Variants in CD70 observed in about 807,000 individuals in gnomAD.
CD70 encodes CD70 molecule.
In CD70, 6 loss-of-function variants were observed where a neutral mutation model predicts 9.0. That is an observed-to-expected ratio of 0.67 (90% CI 0.37 to 1.32). CD70 has a LOEUF of 1.32. Among genes scored for constraint, CD70 ranks in the 40% most tolerant of loss-of-function variants. The pLI is 0.02. For missense variants in CD70, 235 were observed against 258.7 expected, an observed-to-expected ratio of 0.91 and a Z score of 0.63; for synonymous variants, 108 against 112.3, an observed-to-expected ratio of 0.96 and a Z score of 0.24.
chr19:6,581,989 C>T (rs995193030), downstream of CD70, among the ~76,000 whole-genome samples: 1 of 151,640 alleles, frequency 6.6e-6, no homozygotes, highest in African/African-American at 2.4e-5. Flanking sequence ...AACGAAGGGG[C>T]TGAAGGTCCC....
downstream of CD70, among the ~76,000 whole-genome samples, chr19:6,585,667 C>G (rs1915998448): frequency 6.9e-6 from 1 of 145,126 alleles, no homozygotes; most frequent in Admixed American, 6.8e-5. Context: ...TCAAACATCC[C>G]TAACCAAGAA....
downstream of CD70, among the ~76,000 whole-genome samples, chr19:6,582,538 G>C (rs60331551): frequency 8.2e-6 from 1 of 121,572 alleles, no homozygotes; most frequent in Non-Finnish European, 1.6e-5. Flanking sequence ...GACAGGCCCC[G>C]GTGTGTGATG....
chr19:6,587,468 G>T (rs1916052576), intron 2 of CD70, among the ~76,000 whole-genome samples: 1 of 152,024 alleles, frequency 6.6e-6, no homozygotes, highest in Non-Finnish European at 1.5e-5. Context: ...GAGTGCACGG[G>T]AGTGAGCGAG....
Position 6,586,365 on chromosome 19 carries a change from TG to T in CD70, c.236del (p.Pro79GlnfsTer32). On this transcript the variant is annotated frameshift_variant, in exon 3 of 3. Transcript: ENST00000245903. LOFTEE classifies it low-confidence loss of function (END_TRUNC). ...CATGCAGGAAGGAGCGGCCCAGTGCTGGGCCCCCCTGCCAGTATAGCCTGGG... is the reference window on the plus strand; with the variant it reads ...CATGCAGGAAGGAGCGGCCCAGTGCTGGCCCCCCTGCCAGTATAGCCTGGG... ...QDPRLYWQGG[P>X]ALGRSFLHGP... 6.2e-7 allele frequency: 1 copy of T among 1,612,298 alleles called. No individual in the cohort carries two copies. The highest frequency in any genetic ancestry group is 8.5e-7 in the Non-Finnish European group (1 of 1,179,724).
chr19:6,582,348 CTTTTT>C (rs59168141), downstream of CD70, among the ~76,000 whole-genome samples: 1 of 135,172 alleles, frequency 7.4e-6, no homozygotes, highest in Non-Finnish European at 1.6e-5. Flanking sequence ...GCAGTCAAAT[CTTTTT>C]TTTTTTTTTT....
intron 2 of CD70, among the ~76,000 whole-genome samples, 163 bp from the exon 3 acceptor site, chr19:6,586,568 G>A (rs1916022763): frequency 6.6e-6 from 1 of 152,158 alleles, no homozygotes; most frequent in African/African-American, 2.4e-5. Context: ...GGAGGCCAAG[G>A]CGGGTGGATC....
At chr19:6,585,144 G>A (rs752287304), downstream of CD70, among the ~76,000 whole-genome samples, 5 of 151,878 alleles carry the variant, frequency 3.3e-5, no homozygotes, top group Admixed American at 6.6e-5. Flanking sequence ...CCTGGACCAC[G>A]CTTGGCTAAT....
At chr19:6,582,373 T>C (rs1915934677), downstream of CD70, among the ~76,000 whole-genome samples, 1 of 149,238 alleles carries the variant, frequency 6.7e-6, no homozygotes, top group Admixed American at 6.7e-5. Flanking sequence ...TTTTTAATTA[T>C]ACTTTAAGTT....
downstream of CD70, chr19:6,583,163 G>A (rs188761001): frequency 1.4e-4 from 63 of 463,930 alleles, no homozygotes; most frequent in Admixed American, 2.0e-3. Context: ...GGGATTATCT[G>A]GCTTGGAATC....
At chr19:6,589,267 ATTTC>A (rs1916095839) in intron 2 of CD70, among the ~76,000 whole-genome samples, 2 of 81,574 alleles carry the variant, frequency 2.5e-5, no homozygotes, top group Non-Finnish European at 4.9e-5. Context: ...TCTTTCTCTT[ATTTC>A]TTTTTTTCTC....
In CD70 at chr19:6,585,909, C is replaced by T. The variant is rs1916003749; in HGVS notation, c.*111G>A. ...GCCTTCTCTTGTCCTGCCACCACTA[C>T]CCCCCACCACACTCCCACCCCAACC... On this transcript the variant is annotated 3_prime_UTR_variant, in exon 3 of 3. Coordinates refer to ENST00000245903, the MANE Select transcript of CD70 (RefSeq NM_001252.5). The T allele has an allele frequency of 4.3e-6, 3 of 695,540 alleles. No homozygotes were observed. The highest frequency in any genetic ancestry group is 4.8e-6 in the Non-Finnish European group (2 of 420,496). 43.1% of individuals were successfully genotyped at this position (695,540 alleles called of 1,614,324 possible). A position where few individuals can be genotyped will look rare whatever the true frequency, so the allele number is the denominator to read the frequency against.
rs764025325 is a variant in CD70, at chr19:6,586,196, C to T, written c.406G>A (p.Ala136Thr). 17 of 1,613,926 alleles carry T rather than the reference C, an allele frequency of 1.1e-5. No homozygotes were observed. The highest frequency in any genetic ancestry group is 4.0e-5 in the African/African-American group (3 of 74,894). ...CGCAGCAGGCTGATGCTACGGGAGGCGGGAGAGCAGATTCCCACGGCCAGG... is the reference window on the plus strand; with the variant it reads ...CGCAGCAGGCTGATGCTACGGGAGGTGGGAGAGCAGATTCCCACGGCCAGG... ...TTLAVGICSP[A>T]SRSISLLRLS... Residue 136 changes from alanine to threonine, a missense_variant, in exon 3 of 3, where the codon GCC (alanine) becomes ACC (threonine). Coordinates refer to ENST00000245903, the MANE Select transcript of CD70 (RefSeq NM_001252.5).
In CD70 at chr19:6,590,444, C is replaced by G. The variant is rs918511149; in HGVS notation, c.163-308G>C. ...CAGCGGACTCTCTACGCTGCAAAGG[C>G]GCCCGGCGCGGTCCCCAAAGGGACC... is the stretch of plus-strand genomic sequence containing the variant. On this transcript the variant is annotated intron_variant, in intron 1 of 2. Coordinates refer to ENST00000245903, the MANE Select transcript of CD70 (RefSeq NM_001252.5). This position sits in a 1 kb window ranked among gnomAD's most constrained non-coding sequence, Gnocchi z 5.3. Among the ~76,000 whole-genome samples, 1 of 152,206 alleles carries G rather than the reference C, an allele frequency of 6.6e-6. No homozygotes were observed. Among genetic ancestry groups the G allele is most frequent in the African/African-American group, 2.4e-5 (1 of 41,464 alleles).
At chr19:6,581,733 T>C (rs1915921291), downstream of CD70, among the ~76,000 whole-genome samples, 1 of 152,264 alleles carries the variant, frequency 6.6e-6, no homozygotes, top group African/African-American at 2.4e-5. Flanking sequence ...ACAATACATA[T>C]TTTTCCTTTT....
downstream of CD70, among the ~76,000 whole-genome samples, chr19:6,582,779 T>G (rs1915943855): frequency 6.6e-6 from 1 of 152,076 alleles, no homozygotes; most frequent in South Asian, 2.1e-4. Flanking sequence ...GACATTTGGG[T>G]TGGTTCCAAG....
downstream of CD70, chr19:6,583,571 T>G (rs866332206): frequency 6.1e-3 from 2,544 of 415,812 alleles, 70 homozygotes; most frequent in African/African-American, 0.053. Flanking sequence ...TTTTTTTTTT[T>G]TTTTTTAAAG....
chr19:6,582,287 C>T (rs575593816), downstream of CD70, among the ~76,000 whole-genome samples: 2 of 151,506 alleles, frequency 1.3e-5, no homozygotes, highest in East Asian at 3.9e-4. Flanking sequence ...CTGCTCGCCT[C>T]GGCCTCCCAA....
chr19:6,585,726 G>A (rs1359412272), downstream of CD70: 1 of 299,048 alleles, frequency 3.3e-6, no homozygotes, highest in African/African-American at 2.2e-5. Flanking sequence ...CCAGGTTGGA[G>A]TGCAGTGGCG....
chr19:6,583,154 G>A (rs1440807961), downstream of CD70: 1 of 461,830 alleles, frequency 2.2e-6, no homozygotes, highest in Admixed American at 3.9e-5. Context: ...GCAAGATGCG[G>A]GATTATCTGG....
Sources: allele counts gnomAD v4.1 joint callset (sites outside exome capture counted in the v4.1 genomes callset), GRCh38; gene constraint gnomAD v4.1.1; non-coding constraint Gnocchi (gnomAD v3.1); transcripts MANE v1.5; gene names NCBI Gene and HGNC (gene_info 2026-07-23, HGNC 2026-07-21).